Variants in SNX14 observed in about 807,000 individuals in gnomAD.
The protein encoded by SNX14 is sorting nexin 14.
A neutral mutation model predicts 133.8 loss-of-function variants in SNX14; 93 were observed. The observed-to-expected ratio is 0.70, with a 90% CI of 0.59 to 0.83. The LOEUF is 0.83. SNX14 is among the 40% of genes least tolerant of loss of function. The pLI, the probability that SNX14 is intolerant of heterozygous loss-of-function variation, is 0.00. For missense variants in SNX14, 945 were observed against 1,094.9 expected, an observed-to-expected ratio of 0.86 and a Z score of 1.93; for synonymous variants, 368 against 365.6, an observed-to-expected ratio of 1.01 and a Z score of -0.07.
intron 7 of SNX14, among the ~76,000 whole-genome samples, chr6:85,554,248 A>G (rs763531148): frequency 5.3e-5 from 8 of 151,820 alleles, no homozygotes; most frequent in Non-Finnish European, 1.2e-4. Flanking sequence ...ATGTAGCTAT[A>G]CATATGTATA....
intron 1 of SNX14, among the ~76,000 whole-genome samples, chr6:85,593,031 AG>A (rs1803386370): frequency 6.6e-6 from 1 of 152,142 alleles, no homozygotes; most frequent in South Asian, 2.1e-4. Flanking sequence ...AAAAATTCTA[AG>A]GATGTTGGGA....
chr6:85,563,913 C>G (rs891826961), intron 6 of SNX14, among the ~76,000 whole-genome samples: 5 of 151,896 alleles, frequency 3.3e-5, no homozygotes, highest in African/African-American at 1.2e-4. Context: ...TAATACTATC[C>G]CTCCCCCCTT....
intron 18 of SNX14, 128 bp downstream of exon 18, chr6:85,533,470 TC>T: frequency 1.2e-6 from 1 of 820,018 alleles, no homozygotes; most frequent in Non-Finnish European, 1.9e-6. Flanking sequence ...AATTTTCTGT[TC>T]TGGACACTTC....
intron 7 of SNX14, among the ~76,000 whole-genome samples, chr6:85,553,063 C>T (rs936091713): frequency 5.9e-5 from 9 of 152,278 alleles, no homozygotes; most frequent in African/African-American, 2.2e-4. Context: ...AAAACCCTTG[C>T]TTGTATGCCA....
chr6:85,589,228 T>A (rs1435363361), intron 1 of SNX14: 2 of 156,470 alleles, frequency 1.3e-5, no homozygotes, highest in Non-Finnish European at 2.8e-5. Context: ...GGCACCACTT[T>A]TTTTTTTTTT....
At chr6:85,508,183 C>T in intron 26 of SNX14, 124 bp from the exon 27 acceptor site, 2 of 1,410,710 alleles carry the variant, frequency 1.4e-6, no homozygotes, top group East Asian at 2.6e-5. Context: ...AATCAATACT[C>T]CCCAAACCAG....
intron 21 of SNX14, among the ~76,000 whole-genome samples, chr6:85,522,614 C>A (rs1361518399): frequency 6.6e-6 from 1 of 152,148 alleles, no homozygotes; most frequent in African/African-American, 2.4e-5. Context: ...GGTTTATTCC[C>A]AGATACTGAT....
chr6:85,586,755 G>T (rs1195985851), intron 1 of SNX14, among the ~76,000 whole-genome samples: 1 of 151,554 alleles, frequency 6.6e-6, no homozygotes, highest in Non-Finnish European at 1.5e-5. Flanking sequence ...TTTTGGTACA[G>T]ACAGGGTCTT....
chr6:85,520,192 G>A (rs759570749), intron 21 of SNX14, among the ~76,000 whole-genome samples: 9 of 151,374 alleles, frequency 5.9e-5, no homozygotes, highest in African/African-American at 2.2e-4. Context: ...ATAGGTGCAC[G>A]CCACCACGCC....
At chr6:85,557,709 G>T (rs1226566415) in intron 7 of SNX14, among the ~76,000 whole-genome samples, 1 of 152,134 alleles carries the variant, frequency 6.6e-6, no homozygotes, top group African/African-American at 2.4e-5. Context: ...AGGGTGAAGA[G>T]AAATGAAAGA....
intron 12 of SNX14, 142 bp downstream of exon 12, chr6:85,546,970 A>C (rs1785788107): frequency 5.2e-6 from 3 of 572,302 alleles, no homozygotes; most frequent in Non-Finnish European, 5.6e-6. Flanking sequence ...TCAAACAAAA[A>C]AAAAAAAAAA....
At chr6:85,548,477 G>A in intron 8 of SNX14, 101 bp from the exon 9 acceptor site, 1 of 891,268 alleles carries the variant, frequency 1.1e-6, no homozygotes, top group East Asian at 2.8e-5. Flanking sequence ...TTAAAATGGA[G>A]ACTATAATTC....
At chr6:85,593,156 G>A (rs1422967440) in intron 1 of SNX14, among the ~76,000 whole-genome samples, 1 of 152,208 alleles carries the variant, frequency 6.6e-6, no homozygotes, top group Non-Finnish European at 1.5e-5. Context: ...GGGAGGTGGG[G>A]AGATGGAAGA....
intron 19 of SNX14, among the ~76,000 whole-genome samples, chr6:85,529,510 T>C (rs1779588727): frequency 6.6e-6 from 1 of 152,124 alleles, no homozygotes; most frequent in African/African-American, 2.4e-5. Context: ...CTCTCAGCCT[T>C]AAACAAAAAA....
At chr6:85,506,051 C>A in intron 28 of SNX14, 46 bp from the exon 29 acceptor site, 2 of 1,294,046 alleles carry the variant, frequency 1.5e-6, no homozygotes, top group South Asian at 2.4e-5. Context: ...GACACAGGTT[C>A]ATTTGTAAAT....
chr6:85,528,544 G>A (rs1779181438), intron 19 of SNX14, among the ~76,000 whole-genome samples, 182 bp from the exon 20 acceptor site: 1 of 152,102 alleles, frequency 6.6e-6, no homozygotes, highest in African/African-American at 2.4e-5. Context: ...CCAGACCAAA[G>A]AACTTGAGTC....
intron 1 of SNX14, among the ~76,000 whole-genome samples, chr6:85,578,203 A>T (rs1300603335): frequency 6.6e-6 from 1 of 152,222 alleles, no homozygotes; most frequent in East Asian, 1.9e-4. Flanking sequence ...ATCTACATGG[A>T]AGAAACAGTT....
chr6:85,569,550 C>T (rs576629398), intron 4 of SNX14, among the ~76,000 whole-genome samples: 2 of 152,244 alleles, frequency 1.3e-5, no homozygotes, highest in East Asian at 3.9e-4. Context: ...TCAAGAAAAT[C>T]ACTGACTTCC....
intron 21 of SNX14, among the ~76,000 whole-genome samples, chr6:85,522,103 T>G (rs1316198144): frequency 2.6e-5 from 4 of 152,232 alleles, no homozygotes; most frequent in African/African-American, 9.6e-5. Context: ...GGTTTCTATA[T>G]AGGACTTTAG....
Sources: allele counts gnomAD v4.1 joint callset (sites outside exome capture counted in the v4.1 genomes callset), GRCh38; gene constraint gnomAD v4.1.1; transcripts MANE v1.5; gene names NCBI Gene and HGNC (gene_info 2026-07-23, HGNC 2026-07-21).